The following CDK14 variants were observed in gnomAD, a reference collection of about 807,000 sequenced individuals.
CDK14 encodes cyclin-dependent kinase 14.
CDK14 carries 34 observed loss-of-function variants against 60.7 expected under a neutral mutation model. That is an observed-to-expected ratio of 0.56 (90% CI 0.43 to 0.75). The LOEUF (loss-of-function observed/expected upper bound fraction) is 0.75, where lower values mean the gene tolerates loss of function less well. Among genes scored for constraint, CDK14 ranks in the 30% least tolerant of loss-of-function variants. The pLI, the probability that CDK14 is intolerant of heterozygous loss-of-function variation, is 0.00. For synonymous variants in CDK14, 197 were observed against 203.7 expected (o/e 0.97, Z 0.28); for missense variants, 482 against 564.1 (o/e 0.85, Z 1.47).
At chr7:91,091,055 C>CGCTT (rs1562900270) in intron 12 of CDK14, among the ~76,000 whole-genome samples, 2 of 151,252 alleles carry the variant, frequency 1.3e-5, no homozygotes, top group African/African-American at 4.9e-5. Context: ...ACAAATAAAG[C>CGCTT]GTAGGTTTGT....
intron 2 of CDK14, among the ~76,000 whole-genome samples, chr7:90,607,292 A>G (rs1799439569): frequency 6.6e-6 from 1 of 152,214 alleles, no homozygotes; most frequent in African/African-American, 2.4e-5. Flanking sequence ...TTCAGATTTT[A>G]GTCTTAAAAC....
intron 5 of CDK14, among the ~76,000 whole-genome samples, chr7:90,854,303 C>T (rs62468471): frequency 0.052 from 7,975 of 152,168 alleles, 312 homozygotes; most frequent in South Asian, 0.091. Context: ...CACTTGAGTG[C>T]GGGAATTCGA....
chr7:90,740,723 T>C (rs917438532), intron 3 of CDK14, among the ~76,000 whole-genome samples: 2 of 152,202 alleles, frequency 1.3e-5, no homozygotes. Context: ...ATGTATAAAA[T>C]AAACCCTTGT....
chr7:91,014,246 C>T (rs1298560399), intron 10 of CDK14, among the ~76,000 whole-genome samples: 1 of 152,072 alleles, frequency 6.6e-6, no homozygotes, highest in Non-Finnish European at 1.5e-5. Context: ...TGTAAAATTA[C>T]ACTTTTTTGT....
chr7:90,866,631 CT>C (rs1562804296), intron 6 of CDK14, among the ~76,000 whole-genome samples: 1 of 152,124 alleles, frequency 6.6e-6, no homozygotes, highest in East Asian at 1.9e-4. Context: ...GTGAAGGATT[CT>C]TATTTATAAT....
At chr7:90,649,590 C>G (rs1186150801) in intron 2 of CDK14, among the ~76,000 whole-genome samples, 1 of 151,130 alleles carries the variant, frequency 6.6e-6, no homozygotes, top group Non-Finnish European at 1.5e-5. Flanking sequence ...AGGTATTTCT[C>G]CTAATGCTCT....
intron 8 of CDK14, among the ~76,000 whole-genome samples, chr7:90,945,213 T>G (rs950443301): frequency 3.9e-5 from 6 of 152,306 alleles, no homozygotes; most frequent in African/African-American, 1.4e-4. Flanking sequence ...AGATGGTGTT[T>G]TAGTTTATGG....
chr7:90,917,632 C>T lies in CDK14; in HGVS notation c.734C>T (p.Ser245Phe). ...LFLFQLLRGL[S>F]YIHQRYILHR... The stretch of plus-strand genomic sequence containing the variant: ...TTATTTCAGTTGCTGCGAGGTCTGT[C>T]TTACATCCACCAGCGTTATATTTTG... Residue 245 changes from serine (S) to phenylalanine (F), a missense_variant, in exon 8 of 15, where the codon TCT (serine) becomes TTT (phenylalanine). Transcript: ENST00000380050. The T allele has an allele frequency of 6.2e-7, 1 of 1,613,614 alleles. No homozygotes were observed. The highest frequency in any genetic ancestry group is 8.5e-7 in the Non-Finnish European group (1 of 1,179,626).
intron 2 of CDK14, among the ~76,000 whole-genome samples, chr7:90,686,244 T>C (rs1801432582): frequency 6.6e-6 from 1 of 152,186 alleles, no homozygotes; most frequent in Non-Finnish European, 1.5e-5. Context: ...TTTCCAGTAG[T>C]TTTTTCAGTT....
intron 14 of CDK14, among the ~76,000 whole-genome samples, chr7:91,146,826 A>G (rs1277833602): frequency 6.6e-6 from 1 of 152,138 alleles, no homozygotes; most frequent in Non-Finnish European, 1.5e-5. Context: ...TCCATGCTGA[A>G]CAACCCGCAT....
At chr7:90,982,323 A>AGGGT (rs1795251840) in intron 9 of CDK14, among the ~76,000 whole-genome samples, 1 of 152,202 alleles carries the variant, frequency 6.6e-6, no homozygotes, top group South Asian at 2.1e-4. Flanking sequence ...GCGAAGAAGG[A>AGGGT]GGGTACTCTA....
chr7:91,013,870 C>T (rs1462878845), intron 10 of CDK14, among the ~76,000 whole-genome samples: 2 of 151,896 alleles, frequency 1.3e-5, no homozygotes, highest in Non-Finnish European at 2.9e-5. Context: ...AGAGCATTTT[C>T]AACCCTGCAT....
At chr7:90,739,720 A>G (rs1380748800) in intron 3 of CDK14, among the ~76,000 whole-genome samples, 1 of 152,194 alleles carries the variant, frequency 6.6e-6, no homozygotes, top group Non-Finnish European at 1.5e-5. Flanking sequence ...GATTGCATTC[A>G]TTCTTAAAGG....
intron 10 of CDK14, among the ~76,000 whole-genome samples, chr7:91,008,728 A>T (rs1457619105): frequency 1.3e-5 from 2 of 152,192 alleles, no homozygotes; most frequent in African/African-American, 4.8e-5. Context: ...TAAGGGTTTT[A>T]TATTTAAAAG....
intron 10 of CDK14, among the ~76,000 whole-genome samples, chr7:90,993,608 G>A (rs149131044): frequency 3.9e-5 from 6 of 152,236 alleles, no homozygotes; most frequent in Admixed American, 2.0e-4. Flanking sequence ...TGATTCCTAC[G>A]TGAAAGGGAG....
intron 9 of CDK14, among the ~76,000 whole-genome samples, chr7:90,958,888 C>T (rs1794513168): frequency 6.6e-6 from 1 of 152,088 alleles, no homozygotes; most frequent in Non-Finnish European, 1.5e-5. Context: ...AGATTCTACC[C>T]TCAGAACATT....
At chr7:90,629,789 G>A (rs1799953393) in intron 2 of CDK14, among the ~76,000 whole-genome samples, 1 of 152,148 alleles carries the variant, frequency 6.6e-6, no homozygotes, top group Admixed American at 6.5e-5. Context: ...TCCTTTGGGA[G>A]GCCGAGGTGG....
At chr7:90,848,141 G>C (rs1057245053) in intron 5 of CDK14, among the ~76,000 whole-genome samples, 1 of 151,722 alleles carries the variant, frequency 6.6e-6, no homozygotes, top group Non-Finnish European at 1.5e-5. Flanking sequence ...TTAACCTGTC[G>C]CCCAGGCTGA....
chr7:90,868,400 G>T (rs1199768347), intron 6 of CDK14, among the ~76,000 whole-genome samples: 1 of 151,686 alleles, frequency 6.6e-6, no homozygotes, highest in East Asian at 1.9e-4. Flanking sequence ...GGTATTATGG[G>T]TGCATGCATA....
Sources: allele counts gnomAD v4.1 joint callset (sites outside exome capture counted in the v4.1 genomes callset), GRCh38; gene constraint gnomAD v4.1.1; transcripts MANE v1.5; gene names NCBI Gene and HGNC (gene_info 2026-07-23, HGNC 2026-07-21).